The following CDH13 variants were observed in gnomAD, a reference collection of about 807,000 sequenced individuals.
The protein encoded by CDH13 is cadherin-13.
A neutral mutation model predicts 63.8 loss-of-function variants in CDH13; 24 were observed. The observed-to-expected ratio is 0.38, with a 90% confidence interval of 0.27 to 0.53. The LOEUF (loss-of-function observed/expected upper bound fraction) is 0.53, where lower values mean the gene tolerates loss of function less well. CDH13 is among the 20% of genes least tolerant of loss of function. The probability of loss-of-function intolerance (pLI) is 0.85; values close to 1 mark genes in which losing one functional copy is unlikely to be tolerated. For missense variants in CDH13, 1,049 were observed against 903.1 expected, an observed-to-expected ratio of 1.16 and a Z score of -2.07; for synonymous variants, 503 against 355.3, an observed-to-expected ratio of 1.42 and a Z score of -4.67.
chr16:82,965,889 C>G (rs1460571314), intron 2 of CDH13, among the ~76,000 whole-genome samples: 1 of 152,194 alleles, frequency 6.6e-6, no homozygotes, highest in African/African-American at 2.4e-5. Flanking sequence ...TGGAGGAGTA[C>G]TTTAAAGACA....
At chr16:82,786,597 C>G (rs943089896) in intron 1 of CDH13, among the ~76,000 whole-genome samples, 5 of 151,620 alleles carry the variant, frequency 3.3e-5, no homozygotes, top group African/African-American at 1.2e-4. Context: ...TGTTGGTGTG[C>G]TGCACCCGTT....
chr16:83,691,071 CGTGTGTGTGTGTGT>C (rs58023339), intron 10 of CDH13, among the ~76,000 whole-genome samples: 10,345 of 140,788 alleles, frequency 0.073, 417 homozygotes, highest in South Asian at 0.099. Context: ...CCAACTGTGC[CGTGTGTGTGTGTGT>C]GTGTGTGTGT....
chr16:82,690,201 C>A (rs1046832430), intron 1 of CDH13, among the ~76,000 whole-genome samples: 4 of 147,736 alleles, frequency 2.7e-5, no homozygotes, highest in Non-Finnish European at 6.0e-5. Context: ...CTCATGACCC[C>A]GGGTGGGTGG....
chr16:82,969,664 T>A (rs573149326), intron 2 of CDH13, among the ~76,000 whole-genome samples: 1 of 152,124 alleles, frequency 6.6e-6, no homozygotes, highest in Non-Finnish European at 1.5e-5. Flanking sequence ...TGGATACCAC[T>A]AGCAGCACTG....
chr16:82,890,035 ATCT>A, intron 2 of CDH13, among the ~76,000 whole-genome samples: 1 of 152,334 alleles, frequency 6.6e-6, no homozygotes, highest in African/African-American at 2.4e-5. Flanking sequence ...TCAGTGCTAT[ATCT>A]AATAAAACTG....
chr16:83,743,437 C>T (rs1009784551), intron 10 of CDH13, among the ~76,000 whole-genome samples: 3 of 152,114 alleles, frequency 2.0e-5, no homozygotes, highest in Admixed American at 2.0e-4. Flanking sequence ...TGTCTCTAAG[C>T]ATTTTATTGA....
chr16:83,266,141 T>C (rs983037456), intron 5 of CDH13, among the ~76,000 whole-genome samples: 1 of 152,066 alleles, frequency 6.6e-6, no homozygotes, highest in Admixed American at 6.5e-5. Context: ...TTTTACCACA[T>C]TGGCCAGGCT....
intron 5 of CDH13, among the ~76,000 whole-genome samples, chr16:83,242,966 A>T (rs570936359): frequency 1.3e-5 from 2 of 152,318 alleles, no homozygotes; most frequent in African/African-American, 4.8e-5. Context: ...CTTACTCTTT[A>T]TAAGAACTCG....
intron 13 of CDH13, among the ~76,000 whole-genome samples, chr16:83,794,503 A>G (rs1258266503): frequency 6.6e-6 from 1 of 152,214 alleles, no homozygotes; most frequent in Non-Finnish European, 1.5e-5. Context: ...CAGTGAGCCA[A>G]GATTGTACCA....
In CDH13 at chr16:83,078,174, A is replaced by AGT. The variant is rs1170399681; in HGVS notation, c.366+45957_366+45958dup. 5.3e-5 allele frequency among the ~76,000 whole-genome samples: 8 copies of AGT among 152,244 alleles called. No individual in the cohort carries two copies. In the South Asian group the frequency reaches 1.7e-3, roughly 32 times the overall value. ...GTTTTGGGCAGAATTCATACACAGA[A>AGT]GTTGGGGCTTCCTGTCACTGAGTCT... On this transcript the variant is annotated intron_variant, in intron 3 of 13. Coordinates refer to ENST00000567109, the MANE Select transcript of CDH13 (RefSeq NM_001257.5).
chr16:83,069,939 G>A (rs957940577), intron 3 of CDH13, among the ~76,000 whole-genome samples: 5 of 152,118 alleles, frequency 3.3e-5, no homozygotes, highest in African/African-American at 1.2e-4. Flanking sequence ...GTAGTTGATG[G>A]ATACCAGAAA....
chr16:83,486,148 AT>A (rs2073883955), intron 6 of CDH13, among the ~76,000 whole-genome samples: 1 of 152,002 alleles, frequency 6.6e-6, no homozygotes. Flanking sequence ...GTCTAAAAAA[AT>A]GAATGTCCCT....
intron 11 of CDH13, among the ~76,000 whole-genome samples, chr16:83,771,723 C>T (rs149723801): frequency 0.017 from 2,543 of 152,306 alleles, 25 homozygotes; most frequent in South Asian, 0.056. Context: ...TCAAGAGTGA[C>T]AGGCTGTCAC....
chr16:82,687,165 A>G (rs545149190), intron 1 of CDH13, among the ~76,000 whole-genome samples: 1 of 152,168 alleles, frequency 6.6e-6, no homozygotes, highest in Non-Finnish European at 1.5e-5. Flanking sequence ...GTCCTCTCTC[A>G]TGGTAGCTTT....
At chr16:83,468,104 C>G (rs2073363021) in intron 6 of CDH13, among the ~76,000 whole-genome samples, 1 of 152,172 alleles carries the variant, frequency 6.6e-6, no homozygotes, top group African/African-American at 2.4e-5. Context: ...AAATCACTGG[C>G]ATGATGAGAT....
At chr16:83,208,607 C>A (rs1310267916) in intron 4 of CDH13, among the ~76,000 whole-genome samples, 3 of 152,114 alleles carry the variant, frequency 2.0e-5, no homozygotes, top group Admixed American at 2.0e-4. Context: ...TTTTATAAAA[C>A]TGAAAATATT....
intron 2 of CDH13, among the ~76,000 whole-genome samples, chr16:83,014,838 A>ATGTATATATG (rs1329988431): frequency 4.2e-5 from 2 of 48,022 alleles, no homozygotes; most frequent in Non-Finnish European, 8.8e-5. Flanking sequence ...TTGTATATAT[A>ATGTATATATG]TTTGTATATA....
chr16:83,258,869 A>G (rs901250844), intron 5 of CDH13, among the ~76,000 whole-genome samples: 14 of 152,206 alleles, frequency 9.2e-5, no homozygotes, highest in African/African-American at 3.1e-4. Context: ...TTAGCTCACC[A>G]TCACATTCCA....
chr16:83,670,863 C>T lies in CDH13; in HGVS notation c.1175C>T (p.Thr392Ile), dbSNP rs1326949400. 1.2e-6 allele frequency: 2 copies of T among 1,613,892 alleles called. No homozygotes were observed. Among genetic ancestry groups the T allele is most frequent in the Non-Finnish European group, 1.7e-6 (2 of 1,179,820 alleles). ...NLTVEDKDDPTTGAWRAAYTI... is the reference protein window; with the variant it reads ...NLTVEDKDDPITGAWRAAYTI... The stretch of plus-strand genomic sequence containing the variant: ...ACAGTTGAAGATAAGGATGACCCCA[C>T]CACAGGTGCATGGAGGGCTGCCTAC... Residue 392 changes from threonine (T) to isoleucine (I), a missense_variant, in exon 9 of 14, where the codon ACC (threonine) becomes ATC (isoleucine). Transcript: ENST00000567109.
Sources: gnomAD v4.1 joint callset for allele counts (sites outside exome capture counted in the v4.1 genomes callset) on GRCh38, gnomAD v4.1.1 for gene constraint, MANE v1.5 for transcripts, NCBI Gene and HGNC (gene_info 2026-07-23, HGNC 2026-07-21) for gene names.